The following UBE2E2 variants were observed in gnomAD, a reference collection of about 807,000 sequenced individuals.
The protein encoded by UBE2E2 is ubiquitin conjugating enzyme E2 E2, also known as ubiquitin-conjugating enzyme E2 E2.
UBE2E2 carries 6 observed loss-of-function variants against 24.7 expected under a neutral mutation model. The observed-to-expected ratio is 0.24, with a 90% CI of 0.13 to 0.48. The LOEUF (loss-of-function observed/expected upper bound fraction) is 0.48, where lower values mean the gene tolerates loss of function less well. Ranked by LOEUF, UBE2E2 falls within the 20% of genes least tolerant of loss-of-function variation. UBE2E2 has a pLI of 0.99. For missense variants in UBE2E2, 169 were observed against 245.0 expected (o/e 0.69, Z 2.07); for synonymous variants, 104 against 83.6 (o/e 1.24, Z -1.33).
At chr3:23,557,232 T>C (rs1021889556) in intron 5 of UBE2E2, among the ~76,000 whole-genome samples, 1 of 152,222 alleles carries the variant, frequency 6.6e-6, no homozygotes, top group Non-Finnish European at 1.5e-5. Context: ...CCTACAACCA[T>C]GCAGTTCAGA....
intron 3 of UBE2E2, among the ~76,000 whole-genome samples, chr3:23,282,270 T>A (rs1213720851): frequency 6.6e-6 from 1 of 152,236 alleles, no homozygotes; most frequent in Non-Finnish European, 1.5e-5. Flanking sequence ...CAGGTCCTTC[T>A]GTATTCCCTG....
intron 4 of UBE2E2, among the ~76,000 whole-genome samples, chr3:23,512,243 A>G (rs1694615254): frequency 6.8e-6 from 1 of 146,362 alleles, no homozygotes; most frequent in Non-Finnish European, 1.5e-5. Flanking sequence ...TTTTTGAGAC[A>G]GTCTTACCCT....
intron 5 of UBE2E2, among the ~76,000 whole-genome samples, chr3:23,534,906 C>T (rs530085763): frequency 6.6e-6 from 1 of 152,288 alleles, no homozygotes; most frequent in South Asian, 2.1e-4. Context: ...TATAATGATA[C>T]AAATTTAACT....
rs558616906 is a variant in UBE2E2, at chr3:23,389,828, G to C, written c.228-109780G>C. ...GGTGATGTGGCAAAATCAACCCTTG[G>C]TCTGTCACAGTCCTGACCACCCAGT... On this transcript the variant is annotated intron_variant, in intron 3 of 5. Coordinates refer to ENST00000396703, the MANE Select transcript of UBE2E2 (RefSeq NM_152653.4). The C allele has an allele frequency of 1.8e-5, 3 of 163,962 alleles. No homozygotes were observed. In the East Asian group the frequency reaches 4.7e-4, roughly 26 times the overall value. 10.2% of individuals were successfully genotyped at this position (163,962 alleles called of 1,614,324 possible). A position where few individuals can be genotyped will look rare whatever the true frequency, so the allele number is the denominator to read the frequency against.
intron 2 of UBE2E2, among the ~76,000 whole-genome samples, chr3:23,216,485 C>T (rs1350749871): frequency 2.6e-5 from 4 of 152,014 alleles, no homozygotes. Context: ...GGAGAAGAAA[C>T]GGTTTTGAGA....
intron 3 of UBE2E2, among the ~76,000 whole-genome samples, chr3:23,466,830 G>A (rs1698929731): frequency 2.0e-5 from 3 of 152,082 alleles, no homozygotes; most frequent in Admixed American, 6.5e-5. Flanking sequence ...GCCTCCCACA[G>A]TGCTGGGATT....
At chr3:23,281,660 G>A (rs77252333) in intron 3 of UBE2E2, among the ~76,000 whole-genome samples, 4,378 of 152,066 alleles carry the variant, frequency 0.029, 107 homozygotes, top group East Asian at 0.13. Flanking sequence ...GGAGAAGGAG[G>A]AGAAACATGT....
rs566308164 is a variant in UBE2E2, at chr3:23,257,590, C to G, written c.227+40278C>G. Among the ~76,000 whole-genome samples, 1,030 of 116,612 alleles carry G rather than the reference C, an allele frequency of 8.8e-3. 12 individuals are homozygous for G. The highest frequency in any genetic ancestry group is 0.031 in the African/African-American group (941 of 30,204). 76.5% of individuals were successfully genotyped at this position (116,612 alleles called of 152,430 possible). A position where few individuals can be genotyped will look rare whatever the true frequency, so the allele number is the denominator to read the frequency against. The stretch of plus-strand genomic sequence containing the variant: ...AGTCTCATGAGGCCCAGACTGGACT[C>G]TAATTCCTAGGCACAAGTGATCCTC... On this transcript the variant is annotated intron_variant, in intron 3 of 5. Coordinates refer to ENST00000396703, the MANE Select transcript of UBE2E2 (RefSeq NM_152653.4).
At chr3:23,265,983 G>C (rs936682426) in intron 3 of UBE2E2, among the ~76,000 whole-genome samples, 6 of 151,790 alleles carry the variant, frequency 4.0e-5, no homozygotes, top group Non-Finnish European at 8.8e-5. Flanking sequence ...GCGTTTTTTT[G>C]TTTTCCATTT....
chr3:23,300,286 T>G lies in UBE2E2; in HGVS notation c.227+82974T>G, dbSNP rs566868193. On this transcript the variant is annotated intron_variant, in intron 3 of 5. Coordinates refer to ENST00000396703, the MANE Select transcript of UBE2E2 (RefSeq NM_152653.4). ...TTGGAGCATTTAGTCCATTTACATTTAAAGTTAATATTGTTATGTGTGAAT... is the reference window on the plus strand; with the variant it reads ...TTGGAGCATTTAGTCCATTTACATTGAAAGTTAATATTGTTATGTGTGAAT... 1.1e-4 allele frequency among the ~76,000 whole-genome samples: 17 copies of G among 152,266 alleles called. No individual in the cohort carries two copies. The East Asian group carries it at 2.9e-3, about 26-fold the overall frequency.
intron 3 of UBE2E2, among the ~76,000 whole-genome samples, chr3:23,417,795 C>T (rs577351251): frequency 4.6e-5 from 7 of 152,158 alleles, no homozygotes; most frequent in South Asian, 2.1e-4. Context: ...GCTACAGCGG[C>T]GCTTTGCAAG....
intron 3 of UBE2E2, among the ~76,000 whole-genome samples, chr3:23,437,426 A>G (rs990134788): frequency 5.9e-5 from 9 of 152,212 alleles, no homozygotes; most frequent in African/African-American, 9.7e-5. Flanking sequence ...TAAATCCAGG[A>G]GTATTTTAAT....
chr3:23,270,157 T>TCC (rs1328548843), intron 3 of UBE2E2, among the ~76,000 whole-genome samples: 2 of 144,886 alleles, frequency 1.4e-5, no homozygotes, highest in Non-Finnish European at 3.0e-5. Flanking sequence ...TCCTCCTTTT[T>TCC]TTTTTTTTTT....
At chr3:23,513,777 C>A (rs549075152) in intron 4 of UBE2E2, among the ~76,000 whole-genome samples, 1 of 152,094 alleles carries the variant, frequency 6.6e-6, no homozygotes, top group Non-Finnish European at 1.5e-5. Context: ...TTTATAATTG[C>A]TTTCTCTCAT....
intron 3 of UBE2E2, among the ~76,000 whole-genome samples, chr3:23,436,722 TTTA>T (rs1489104681): frequency 6.6e-6 from 1 of 152,230 alleles, no homozygotes; most frequent in Admixed American, 6.5e-5. Flanking sequence ...CCATCTTATT[TTTA>T]TTAGAACGTC....
chr3:23,378,918 A>T (rs936805290), intron 3 of UBE2E2, among the ~76,000 whole-genome samples: 6 of 152,172 alleles, frequency 3.9e-5, no homozygotes, highest in Non-Finnish European at 7.4e-5. Flanking sequence ...TTCTTTGTCA[A>T]ATCTCTATAA....
At chr3:23,558,281 A>T (rs1486728593) in intron 5 of UBE2E2, among the ~76,000 whole-genome samples, 1 of 152,202 alleles carries the variant, frequency 6.6e-6, no homozygotes, top group Non-Finnish European at 1.5e-5. Context: ...TGTTTCTTCT[A>T]TAAGTATAGG....
Position 23,532,550 on chromosome 3 carries a change from G to A in UBE2E2, c.361-4G>A, listed in dbSNP as rs1321822543. ...ACAAAATATAACTTTACATTTTCTTGTAGGTTACCTTCCGAACAAGAATCT... is the reference window on the plus strand; with the variant it reads ...ACAAAATATAACTTTACATTTTCTTATAGGTTACCTTCCGAACAAGAATCT... On this transcript the variant is annotated splice_polypyrimidine_tract_variant and splice_region_variant and intron_variant, in intron 4 of 5. Coordinates refer to ENST00000396703, the MANE Select transcript of UBE2E2 (RefSeq NM_152653.4). The A allele has an allele frequency of 6.6e-7, 1 of 1,508,012 alleles. No homozygotes were observed. Among genetic ancestry groups the A allele is most frequent in the African/African-American group, 1.4e-5 (1 of 73,792 alleles). The allele number at this position is 1,508,012 out of a possible 1,614,324, so 93.4% of individuals were successfully genotyped here. A position where few individuals can be genotyped will look rare whatever the true frequency, so the allele number is the denominator to read the frequency against.
chr3:23,486,072 C>T (rs1210272923), intron 3 of UBE2E2, among the ~76,000 whole-genome samples: 1 of 152,180 alleles, frequency 6.6e-6, no homozygotes, highest in Non-Finnish European at 1.5e-5. Context: ...CCACTCGGCC[C>T]AGCAGGCTGC....
Sources: gnomAD v4.1 joint callset for allele counts (sites outside exome capture counted in the v4.1 genomes callset) on GRCh38, gnomAD v4.1.1 for gene constraint, MANE v1.5 for transcripts, NCBI Gene and HGNC (gene_info 2026-07-23, HGNC 2026-07-21) for gene names.